DAPK1: variants seen among roughly 807,000 people sequenced by gnomAD.
DAPK1 encodes the protein death associated protein kinase 1, also known as death-associated protein kinase 1.
Under a neutral mutation model 144.9 loss-of-function variants are expected in DAPK1, and 56 were observed. The observed-to-expected ratio is 0.39, with a 90% CI of 0.31 to 0.48. DAPK1 has a LOEUF of 0.48. Ranked by LOEUF, DAPK1 falls within the 20% of genes least tolerant of loss-of-function variation. The pLI is 0.95. For missense variants in DAPK1, 1,454 were observed against 1,875.4 expected (o/e 0.78, Z 4.15); for synonymous variants, 690 against 749.0 (o/e 0.92, Z 1.29).
At chr9:87,590,382 A>AG (rs1367875391) in intron 2 of DAPK1, among the ~76,000 whole-genome samples, 3 of 147,568 alleles carry the variant, frequency 2.0e-5, no homozygotes, top group East Asian at 3.9e-4. Flanking sequence ...AAAAAAAAAA[A>AG]AAAGAAAAGA....
chr9:87,568,021 G>GT (rs546138119), intron 2 of DAPK1, among the ~76,000 whole-genome samples: 103 of 152,344 alleles, frequency 6.8e-4, no homozygotes, highest in African/African-American at 2.2e-3. Context: ...GGCTAAATGA[G>GT]TAGAAGACCA....
rs547842906 is a variant in DAPK1 at position 87,681,695 on chromosome 9, C to T, written c.2224+69C>T. 4 of 823,416 alleles carry T rather than the reference C, an allele frequency of 4.9e-6. No homozygotes were observed. In the South Asian group the frequency reaches 5.6e-5, roughly 11 times the overall value. The allele number at this position is 823,416 out of a possible 1,614,324, so 51.0% of individuals were successfully genotyped here. On this transcript the variant is annotated intron_variant, in intron 20 of 25. Coordinates refer to ENST00000408954, the MANE Select transcript of DAPK1 (RefSeq NM_004938.4). ...CTTCCGCACTCTCTCCTTTCAAGGTCTAGGGGGGAAGGGAGTTGTGTTTGG... is the reference window on the plus strand; with the variant it reads ...CTTCCGCACTCTCTCCTTTCAAGGTTTAGGGGGGAAGGGAGTTGTGTTTGG...
chr9:87,605,855 A>T (rs1587761800), intron 3 of DAPK1, among the ~76,000 whole-genome samples: 1 of 150,484 alleles, frequency 6.6e-6, no homozygotes. Flanking sequence ...GTGGGGCCCC[A>T]CTCCCTGTGG....
intron 17 of DAPK1, among the ~76,000 whole-genome samples, chr9:87,653,361 G>C (rs1357037099): frequency 6.6e-6 from 1 of 152,232 alleles, no homozygotes; most frequent in South Asian, 2.1e-4. Flanking sequence ...TACTTATATG[G>C]ACATGTACTT....
intron 2 of DAPK1, among the ~76,000 whole-genome samples, chr9:87,576,799 C>G (rs1246756981): frequency 6.6e-6 from 1 of 152,138 alleles, no homozygotes; most frequent in African/African-American, 2.4e-5. Flanking sequence ...CTCAAGTGCT[C>G]TCTGCCCACC....
chr9:87,674,445 G>C (rs777912086), intron 19 of DAPK1, among the ~76,000 whole-genome samples: 16 of 150,256 alleles, frequency 1.1e-4, no homozygotes, highest in Non-Finnish European at 1.8e-4. Context: ...AACCCAGGAG[G>C]TGGAGGTTGC....
chr9:87,563,813 C>T (rs1827018715), intron 2 of DAPK1, among the ~76,000 whole-genome samples: 1 of 152,168 alleles, frequency 6.6e-6, no homozygotes, highest in Non-Finnish European at 1.5e-5. Flanking sequence ...GAGCCCAGCC[C>T]ATGTTGCAAC....
At chr9:87,632,344 G>T in intron 3 of DAPK1, 1 of 983,690 alleles carries the variant, frequency 1.0e-6, no homozygotes. Flanking sequence ...AGGAGGATGA[G>T]TACATATGTA....
At chr9:87,626,276 G>C (rs144773760) in intron 3 of DAPK1, among the ~76,000 whole-genome samples, 1 of 152,108 alleles carries the variant, frequency 6.6e-6, no homozygotes. Context: ...TTAGCTGGGC[G>C]TGGTGGTGCA....
chr9:87,561,442 C>T (rs1267042934), intron 2 of DAPK1, among the ~76,000 whole-genome samples: 2 of 152,062 alleles, frequency 1.3e-5, no homozygotes, highest in Non-Finnish European at 2.9e-5. Flanking sequence ...AGGAGAATGG[C>T]GTGAACCCGG....
Position 87,686,950 on chromosome 9 carries a change from G to A in DAPK1, c.2413+211G>A. The stretch of plus-strand genomic sequence containing the variant: ...AACACTGGGGTATTGTCAGCGCCTA[G>A]TAAAGCACTTGGCATACAGTAAGTG... On this transcript the variant is annotated intron_variant, in intron 21 of 25. Coordinates refer to ENST00000408954, the MANE Select transcript of DAPK1 (RefSeq NM_004938.4). This position sits in a 1 kb window ranked among gnomAD's most constrained non-coding sequence, Gnocchi z 4.2. 1 of 650,032 alleles carries A rather than the reference G, an allele frequency of 1.5e-6. No homozygotes were observed. The highest frequency in any genetic ancestry group is 6.9e-5 in the South Asian group (1 of 14,566). 40.3% of individuals were successfully genotyped at this position (650,032 alleles called of 1,614,324 possible). A position where few individuals can be genotyped will look rare whatever the true frequency, so the allele number is the denominator to read the frequency against.
chr9:87,666,471 G>GT (rs1831056820), intron 18 of DAPK1, among the ~76,000 whole-genome samples: 3 of 143,222 alleles, frequency 2.1e-5, no homozygotes, highest in Admixed American at 7.1e-5. Flanking sequence ...ATATGTTTTT[G>GT]TTTTTGTTTT....
intron 2 of DAPK1, among the ~76,000 whole-genome samples, chr9:87,506,640 ATTGT>A (rs1224195505): frequency 6.6e-6 from 1 of 152,202 alleles, no homozygotes; most frequent in Admixed American, 6.5e-5. Context: ...TTGGTGTGTG[ATTGT>A]TTGAGACTTT....
At chr9:87,558,968 C>T (rs1275756574) in intron 2 of DAPK1, among the ~76,000 whole-genome samples, 2 of 152,134 alleles carry the variant, frequency 1.3e-5, no homozygotes, top group Non-Finnish European at 2.9e-5. Context: ...AAACTGTTCC[C>T]ACTCTGGGGG....
At position 87,565,234 on chromosome 9, in the gene DAPK1, G is replaced by A. The variant is rs190139091; in HGVS notation, c.63-39720G>A. 1.4e-3 allele frequency among the ~76,000 whole-genome samples: 218 copies of A among 152,276 alleles called. 1 individual carries two copies. Among genetic ancestry groups the A allele is most frequent in the Admixed American group, 6.5e-3 (100 of 15,282 alleles). ...AAACAGTTGAGAGCATGAAAAACGA[G>A]TGTCGAGGCTGTAGAGAAAGAAAAA... On this transcript the variant is annotated intron_variant, in intron 2 of 25. Transcript: ENST00000408954.
At chr9:87,638,419 T>A (rs1829978236) in intron 4 of DAPK1, among the ~76,000 whole-genome samples, 2 of 152,148 alleles carry the variant, frequency 1.3e-5, no homozygotes, top group Non-Finnish European at 2.9e-5. Flanking sequence ...TCTGGGCATG[T>A]TAAGATAGAA....
In DAPK1 at chr9:87,497,981, G is replaced by A. The variant is rs992970719; in HGVS notation, c.-235G>A. 5.0e-6 allele frequency: 2 copies of A among 397,242 alleles called. No homozygotes were observed. The highest frequency in any genetic ancestry group is 8.9e-6 in the Non-Finnish European group (2 of 225,526). 24.6% of individuals were successfully genotyped at this position (397,242 alleles called of 1,614,324 possible). On this transcript the variant is annotated 5_prime_UTR_variant, in exon 1 of 26. Transcript: ENST00000408954. ...GGGTCTGGGGCCGGCGCCTGGGAGGGATCTGCGCCCCCCACTCACTCCCTA... is the reference window on the plus strand; with the variant it reads ...GGGTCTGGGGCCGGCGCCTGGGAGGAATCTGCGCCCCCCACTCACTCCCTA...
chr9:87,557,451 T>A (rs1488761694), intron 2 of DAPK1, among the ~76,000 whole-genome samples: 2 of 152,224 alleles, frequency 1.3e-5, no homozygotes, highest in African/African-American at 2.4e-5. Context: ...ACATCTTTTG[T>A]GAGCTCTAAA....
rs552264417 is a variant in DAPK1 at position 87,639,078 on chromosome 9, G to A, written c.424-276G>A. On this transcript the variant is annotated intron_variant, in intron 4 of 25. Transcript: ENST00000408954. ...TTACCCCCACTTGATAGGACACCTC[G>A]TAGCAGCTTCCTTCTGTTTCCTGTA... Among the ~76,000 whole-genome samples, 5 of 152,212 alleles carry A rather than the reference G, an allele frequency of 3.3e-5. No individual in the cohort carries two copies. In the South Asian group the frequency reaches 6.2e-4, roughly 19 times the overall value.
Sources: gnomAD v4.1 joint callset for allele counts (sites outside exome capture counted in the v4.1 genomes callset) on GRCh38, gnomAD v4.1.1 for gene constraint, Gnocchi (gnomAD v3.1) non-coding constraint, MANE v1.5 for transcripts, NCBI Gene and HGNC (gene_info 2026-07-23, HGNC 2026-07-21) for gene names.